Variants in ST18 observed in about 807,000 individuals in gnomAD.
The protein encoded by ST18 is ST18 C2H2C-type zinc finger transcription factor.
A neutral mutation model predicts 110.0 loss-of-function variants in ST18; 50 were observed. The observed-to-expected ratio is 0.45, with a 90% confidence interval of 0.36 to 0.58. The LOEUF (loss-of-function observed/expected upper bound fraction) is 0.58, where lower values mean the gene tolerates loss of function less well. Ranked by LOEUF, ST18 falls within the 20% of genes least tolerant of loss-of-function variation. ST18 has a pLI of 0.00. For missense variants in ST18, 1,306 were observed against 1,280.1 expected (o/e 1.02, Z -0.31); for synonymous variants, 461 against 452.4 (o/e 1.02, Z -0.24).
chr8:52,349,901 G>T (rs1819487390), intron 2 of ST18, among the ~76,000 whole-genome samples: 1 of 152,128 alleles, frequency 6.6e-6, no homozygotes, highest in Non-Finnish European at 1.5e-5. Flanking sequence ...AGGACTGTCT[G>T]GAAAGCCCCT....
At chr8:52,234,903 G>T (rs953971693) in intron 2 of ST18, among the ~76,000 whole-genome samples, 1 of 152,094 alleles carries the variant, frequency 6.6e-6, no homozygotes, top group Non-Finnish European at 1.5e-5. Flanking sequence ...ATGTAAGTGG[G>T]AGCTAAGGTA....
At chr8:52,188,337 G>A (rs946664915) in intron 8 of ST18, among the ~76,000 whole-genome samples, 1 of 152,188 alleles carries the variant, frequency 6.6e-6, no homozygotes, top group Non-Finnish European at 1.5e-5. Context: ...GGTTAGATAA[G>A]GGAGAAAATG....
intron 15 of ST18, among the ~76,000 whole-genome samples, chr8:52,157,880 G>A (rs1020904239): frequency 6.6e-6 from 1 of 152,256 alleles, no homozygotes; most frequent in Non-Finnish European, 1.5e-5. Flanking sequence ...GGGAAAAGAG[G>A]AGCCATGGTC....
intron 2 of ST18, among the ~76,000 whole-genome samples, chr8:52,242,822 A>G (rs1349104409): frequency 6.6e-6 from 1 of 151,872 alleles, no homozygotes; most frequent in Non-Finnish European, 1.5e-5. Context: ...CAGTGAGCCA[A>G]GATCATGCCA....
At chr8:52,196,813 C>A (rs921824663) in intron 8 of ST18, among the ~76,000 whole-genome samples, 1 of 152,068 alleles carries the variant, frequency 6.6e-6, no homozygotes. Flanking sequence ...GAGAAGGAAG[C>A]CAACTGTCAC....
intron 20 of ST18, 24 bp from the exon 21 acceptor site, chr8:52,133,161 A>G: frequency 1.2e-6 from 2 of 1,614,234 alleles, no homozygotes; most frequent in Non-Finnish European, 1.7e-6. Context: ...CCGACAAAGA[A>G]CAAAGCAAAA....
At chr8:52,124,152 G>T (rs1179617515) in intron 23 of ST18, among the ~76,000 whole-genome samples, 2 of 151,458 alleles carry the variant, frequency 1.3e-5, no homozygotes, top group African/African-American at 2.4e-5. Context: ...TCTTATCTTC[G>T]ACTTTCCTTT....
chr8:52,353,108 G>C (rs920770430), intron 2 of ST18, among the ~76,000 whole-genome samples: 1 of 152,186 alleles, frequency 6.6e-6, no homozygotes, highest in African/African-American at 2.4e-5. Context: ...GTATATCAAA[G>C]GGAGTAAGAT....
At chr8:52,334,641 A>G (rs572218204) in intron 2 of ST18, among the ~76,000 whole-genome samples, 42 of 152,318 alleles carry the variant, frequency 2.8e-4, no homozygotes, top group African/African-American at 9.6e-4. Flanking sequence ...AAGAGGGACT[A>G]TGGGGCTTTT....
chr8:52,235,631 A>G (rs1471311829), intron 2 of ST18, among the ~76,000 whole-genome samples: 2 of 152,250 alleles, frequency 1.3e-5, no homozygotes, highest in African/African-American at 4.8e-5. Flanking sequence ...GAAAACATGC[A>G]GTTCAGATTC....
intron 10 of ST18, among the ~76,000 whole-genome samples, chr8:52,167,536 T>C (rs1173272972): frequency 6.6e-6 from 1 of 152,210 alleles, no homozygotes; most frequent in Non-Finnish European, 1.5e-5. Context: ...CACTGGCTTG[T>C]GTCCTGTCTG....
chr8:52,400,312 G>A (rs1054044291), intron 2 of ST18, among the ~76,000 whole-genome samples: 1 of 152,008 alleles, frequency 6.6e-6, no homozygotes, highest in African/African-American at 2.4e-5. Flanking sequence ...GCTACAATGG[G>A]TCTCTTGTAG....
At chr8:52,197,889 G>GCACACA (rs57662247) in intron 8 of ST18, among the ~76,000 whole-genome samples, 40,507 of 150,078 alleles carry the variant, frequency 0.27, 5,744 homozygotes, top group East Asian at 0.36. Flanking sequence ...AACAAAATGA[G>GCACACA]CACACACACA....
chr8:52,136,511 T>C (rs2052381235), intron 19 of ST18, 79 bp downstream of exon 19: 8 of 1,397,786 alleles, frequency 5.7e-6, no homozygotes, highest in Non-Finnish European at 7.0e-6. Context: ...TGCTGATCAC[T>C]TGGGCAATGA....
chr8:52,130,185 C>T (rs1351562289), intron 22 of ST18, among the ~76,000 whole-genome samples: 1 of 136,272 alleles, frequency 7.3e-6, no homozygotes, highest in Non-Finnish European at 1.6e-5. Flanking sequence ...AAAATAGTAC[C>T]TTGGCATTAA....
intron 2 of ST18, among the ~76,000 whole-genome samples, chr8:52,307,056 C>G (rs556560092): frequency 6.6e-6 from 1 of 152,158 alleles, no homozygotes; most frequent in African/African-American, 2.4e-5. Flanking sequence ...TTTGGGCTCA[C>G]GCCTGTAACC....
intron 10 of ST18, among the ~76,000 whole-genome samples, chr8:52,169,589 GTTGGTATT>G (rs2133666457): frequency 6.6e-6 from 1 of 152,288 alleles, no homozygotes; most frequent in South Asian, 2.1e-4. Context: ...GGGAGGTTAG[GTTGGTATT>G]TTGGAGAATA....
chr8:52,147,621 G>A (rs1021230032), intron 16 of ST18, among the ~76,000 whole-genome samples: 1 of 151,762 alleles, frequency 6.6e-6, no homozygotes, highest in African/African-American at 2.4e-5. Context: ...CTCTGCATAC[G>A]GCATCGAGAT....
chr8:52,200,817 G>A (rs966027667), intron 8 of ST18, among the ~76,000 whole-genome samples: 1 of 152,158 alleles, frequency 6.6e-6, no homozygotes, highest in Admixed American at 6.5e-5. Context: ...CAAGACTTTT[G>A]AATGTCCCCA....
Sources: gnomAD v4.1 joint callset for allele counts (sites outside exome capture counted in the v4.1 genomes callset) on GRCh38, gnomAD v4.1.1 for gene constraint, MANE v1.5 for transcripts, NCBI Gene and HGNC (gene_info 2026-07-23, HGNC 2026-07-21) for gene names.